The following TENM1 variants were observed in gnomAD, a reference collection of about 807,000 sequenced individuals.
TENM1 encodes teneurin-1.
In TENM1, 35 loss-of-function variants were observed where a neutral mutation model predicts 174.8. The observed-to-expected ratio is 0.20, with a 90% CI of 0.15 to 0.27. The LOEUF is 0.27. TENM1 is among the 10% of genes least tolerant of loss of function. The pLI, the probability that TENM1 is intolerant of heterozygous loss-of-function variation, is 1.00. For synonymous variants in TENM1, 781 were observed against 798.7 expected (o/e 0.98, Z 0.37); for missense variants, 1,633 against 2,130.1 (o/e 0.77, Z 4.59).
chrX:125,123,450 A>AAAAT, the TENM1 span, among the ~76,000 whole-genome samples: 1 of 89,806 alleles, frequency 1.1e-5, no homozygotes, highest in Non-Finnish European at 2.3e-5. Context: ...AAAATAAAAT[A>AAAAT]AAAATAAAAT....
At chrX:124,938,489 G>C (rs1022008505) in intron 1 of TENM1, among the ~76,000 whole-genome samples, 2 of 111,831 alleles carry the variant, frequency 1.8e-5, no homozygotes, top group Admixed American at 1.9e-4. Flanking sequence ...GACGACTACT[G>C]CAATTTTAGG....
intron 16 of TENM1, 93 bp from the exon 20 acceptor site, chrX:124,523,718 T>A: frequency 1.1e-6 from 1 of 902,794 alleles, no homozygotes; most frequent in Non-Finnish European, 1.5e-6. Context: ...CTTTCCTTTT[T>A]GGGGGGACTC....
At chrX:124,734,251 A>C (rs2053621690) in intron 4 of TENM1, among the ~76,000 whole-genome samples, 1 of 111,436 alleles carries the variant, frequency 9.0e-6, no homozygotes, top group South Asian at 3.8e-4. Context: ...GGAATTCAAG[A>C]CCAGTCTAGC....
rs755205162 is a variant in TENM1 at position 124,510,775 on chromosome X, T to TACACACACACAC, written c.3302-7084_3302-7073dup. 2.0e-3 allele frequency among the ~76,000 whole-genome samples: 205 copies of TACACACACACAC among 103,510 alleles called. 1 individual carries two copies. The highest frequency in any genetic ancestry group is 0.011 in the East Asian group (35 of 3,253). The allele number at this position is 103,510 out of a possible 115,157, so 89.9% of individuals were successfully genotyped here. A position where few individuals can be genotyped will look rare whatever the true frequency, so the allele number is the denominator to read the frequency against. ...GTGACCCAGCATCCACATGGGGAGATACACACACACACACACACTTGAAGT... is the reference window on the plus strand; with the variant it reads ...GTGACCCAGCATCCACATGGGGAGATACACACACACACACACACACACACACACACTTGAAGT... On this transcript the variant is annotated intron_variant, in intron 18 of 31. Transcript: ENST00000422452.
At chrX:124,633,066 C>T (rs1395581367) in intron 11 of TENM1, among the ~76,000 whole-genome samples, 1 of 112,146 alleles carries the variant, frequency 8.9e-6, no homozygotes, top group East Asian at 2.8e-4. Context: ...GGGACAGACA[C>T]ACCTTGTAAA....
intron 3 of TENM1, among the ~76,000 whole-genome samples, chrX:124,865,128 T>C (rs1258830107): frequency 9.0e-6 from 1 of 111,638 alleles, no homozygotes; most frequent in Non-Finnish European, 1.9e-5. Flanking sequence ...AGTACTTCAA[T>C]CAGAAAGAAG....
the TENM1 span, among the ~76,000 whole-genome samples, chrX:125,165,974 C>A: frequency 9.0e-6 from 1 of 111,042 alleles, no homozygotes; most frequent in Non-Finnish European, 1.9e-5. Context: ...AAAATGCATA[C>A]GAATATATAA....
At chrX:124,847,777 G>A (rs763773993) in intron 3 of TENM1, among the ~76,000 whole-genome samples, 1 of 111,758 alleles carries the variant, frequency 8.9e-6, no homozygotes, top group East Asian at 2.8e-4. Context: ...GGTTAGGATT[G>A]AGCCTTAAGA....
chrX:125,116,127 G>T, the TENM1 span, among the ~76,000 whole-genome samples: 1 of 111,124 alleles, frequency 9.0e-6, no homozygotes, highest in Non-Finnish European at 1.9e-5. Flanking sequence ...CAAACCTGAC[G>T]AAAGCAATGA....
At chrX:125,158,214 C>T in the TENM1 span, among the ~76,000 whole-genome samples, 1 of 108,782 alleles carries the variant, frequency 9.2e-6, no homozygotes, top group African/African-American at 3.4e-5. Flanking sequence ...ACCATCCTGG[C>T]CAACATGGTG....
At chrX:124,671,947 C>A in intron 5 of TENM1, 112 bp from the exon 9 acceptor site, 1 of 778,961 alleles carries the variant, frequency 1.3e-6, no homozygotes, top group Non-Finnish European at 1.9e-6. Flanking sequence ...TTTAGTTAGG[C>A]CAAGTAACTG....
chrX:124,568,296 A>C (rs1203145052), intron 11 of TENM1, among the ~76,000 whole-genome samples: 10 of 111,238 alleles, frequency 9.0e-5, no homozygotes, highest in Non-Finnish European at 1.7e-4. Flanking sequence ...ACCATTTCAG[A>C]TGGAGTTGGA....
At position 124,429,705 on chromosome X, in the gene TENM1, G is replaced by A. The variant is rs377659341; in HGVS notation, c.4105-7067C>T. ...TAAGGTAGGTGGTAGTGGTGAATGA[G>A]TTCTAAATGTTTGCTAGGACTAGGT... On this transcript the variant is annotated intron_variant, in intron 23 of 31. Coordinates refer to ENST00000422452, the Ensembl canonical transcript of TENM1. Among the ~76,000 whole-genome samples, 3 of 111,586 alleles carry A rather than the reference G, an allele frequency of 2.7e-5. No individual in the cohort carries two copies. The South Asian group carries it at 1.2e-3, about 43-fold the overall frequency.
At chrX:124,965,411 C>CAT (rs200965413), upstream of TENM1, among the ~76,000 whole-genome samples, 27 of 111,887 alleles carry the variant, frequency 2.4e-4, 1 homozygote, top group East Asian at 7.6e-3. Flanking sequence ...AAGGCTTACA[C>CAT]ATTTGACTGA....
At chrX:124,492,393 C>T (rs1156680603) in intron 20 of TENM1, among the ~76,000 whole-genome samples, 2 of 111,445 alleles carry the variant, frequency 1.8e-5, no homozygotes, top group East Asian at 5.7e-4. Context: ...CAACTTATTT[C>T]TCTCCAGGAA....
At chrX:124,918,915 C>G (rs928916503) in intron 1 of TENM1, among the ~76,000 whole-genome samples, 4 of 111,699 alleles carry the variant, frequency 3.6e-5, no homozygotes, top group Non-Finnish European at 7.5e-5. Flanking sequence ...TAAGCCAGAC[C>G]TTCAGGTACC....
chrX:124,907,587 T>C (rs1230365044), intron 1 of TENM1, among the ~76,000 whole-genome samples: 8 of 111,768 alleles, frequency 7.2e-5, no homozygotes, highest in Admixed American at 1.9e-4. Context: ...ATGTCATTTA[T>C]TTCCAAGAAC....
rs370998456 is a variant in TENM1 at position 124,705,173 on chromosome X, A to G, written c.855T>C (p.Asn285=). The change falls in exon 5 of 32, where the codon AAT becomes AAC. Residue 285 remains asparagine, a synonymous_variant. Transcript: ENST00000422452. Reference sequence around the variant, plus strand: ...GCCTGGGAGGGGGCGAGTACACGGTATTGGATGTCAGAGGGTAGTTCTGAC... The same window carrying G: ...GCCTGGGAGGGGGCGAGTACACGGTGTTGGATGTCAGAGGGTAGTTCTGAC... The G allele has an allele frequency of 7.8e-5, 94 of 1,209,390 alleles. No homozygotes were observed. The highest frequency in any genetic ancestry group is 9.7e-5 in the Non-Finnish European group (87 of 894,958).
intron 3 of TENM1, among the ~76,000 whole-genome samples, chrX:124,780,943 T>TTGTAC (rs2054893390): frequency 9.0e-6 from 1 of 111,635 alleles, no homozygotes; most frequent in Non-Finnish European, 1.9e-5. Flanking sequence ...GTGTGGTCAC[T>TTGTAC]TGTACTGTTA....
Sources: gnomAD v4.1 joint callset for allele counts (sites outside exome capture counted in the v4.1 genomes callset) on GRCh38, gnomAD v4.1.1 for gene constraint, MANE v1.5 for transcripts, NCBI Gene and HGNC (gene_info 2026-07-23, HGNC 2026-07-21) for gene names.